SETBP1: variants seen among roughly 807,000 people sequenced by gnomAD.
SETBP1 encodes SET-binding protein.
SETBP1 carries 9 observed loss-of-function variants against 101.0 expected under a neutral mutation model. The observed-to-expected ratio is 0.09, with a 90% CI of 0.05 to 0.16. The LOEUF is 0.16. SETBP1 is among the 10% of genes least tolerant of loss of function. The pLI is 1.00. For missense variants in SETBP1, 1,858 were observed against 2,033.8 expected, an observed-to-expected ratio of 0.91 and a Z score of 1.66; for synonymous variants, 818 against 788.5, an observed-to-expected ratio of 1.04 and a Z score of -0.63.
chr18:44,930,629 A>T (rs550214681), intron 3 of SETBP1, among the ~76,000 whole-genome samples: 1 of 152,282 alleles, frequency 6.6e-6, no homozygotes, highest in South Asian at 2.1e-4. Context: ...TTATTGGTCT[A>T]TTCAGGGATT....
At chr18:45,005,643 CTT>C (rs11301319) in intron 4 of SETBP1, among the ~76,000 whole-genome samples, 136 of 116,212 alleles carry the variant, frequency 1.2e-3, no homozygotes, top group African/African-American at 3.0e-3. Flanking sequence ...TAAAATCTTC[CTT>C]TTTTTTTTTT....
At chr18:44,822,138 A>G (rs1380659265) in intron 2 of SETBP1, among the ~76,000 whole-genome samples, 1 of 152,238 alleles carries the variant, frequency 6.6e-6, no homozygotes, top group African/African-American at 2.4e-5. Flanking sequence ...TGCAGAATGG[A>G]ATAATCCAGT....
intron 3 of SETBP1, among the ~76,000 whole-genome samples, chr18:44,889,930 C>T (rs2069730066): frequency 6.6e-6 from 1 of 152,038 alleles, no homozygotes; most frequent in Admixed American, 6.6e-5. Context: ...TAAATTCAGT[C>T]AGCATTTTTG....
At chr18:44,864,769 T>C (rs575172955) in intron 2 of SETBP1, among the ~76,000 whole-genome samples, 1 of 152,254 alleles carries the variant, frequency 6.6e-6, no homozygotes, top group Admixed American at 6.5e-5. Context: ...ATCCTTTTCA[T>C]TAACTCCAGC....
intron 4 of SETBP1, among the ~76,000 whole-genome samples, chr18:45,020,434 C>T (rs2073036300): frequency 6.6e-6 from 1 of 152,100 alleles, no homozygotes; most frequent in Non-Finnish European, 1.5e-5. Context: ...TGCCCAAAAC[C>T]CATTACACTT....
chr18:44,947,731 C>T (rs529544649), intron 3 of SETBP1, among the ~76,000 whole-genome samples: 5 of 152,208 alleles, frequency 3.3e-5, no homozygotes, highest in Admixed American at 3.3e-4. Flanking sequence ...GTCTTGAACG[C>T]CCGACCTCAG....
chr18:44,803,101 T>C (rs114917890), intron 2 of SETBP1, among the ~76,000 whole-genome samples: 323 of 152,090 alleles, frequency 2.1e-3, no homozygotes, highest in African/African-American at 7.3e-3. Context: ...CCATATAAGG[T>C]AAGGGCCAAT....
chr18:44,939,286 C>A (rs866432083), intron 3 of SETBP1, among the ~76,000 whole-genome samples: 6 of 151,476 alleles, frequency 4.0e-5, no homozygotes, highest in Admixed American at 2.6e-4. Flanking sequence ...ACTGTTCTGA[C>A]ACCTATCATA....
At chr18:45,062,422 G>C (rs185205777) in intron 5 of SETBP1, among the ~76,000 whole-genome samples, 25 of 152,286 alleles carry the variant, frequency 1.6e-4, no homozygotes, top group African/African-American at 6.0e-4. Context: ...CAGAACACTG[G>C]GGGAAAAGCA....
chr18:44,988,642 T>C (rs2072291073), intron 4 of SETBP1: 1 of 152,212 alleles, frequency 6.6e-6, no homozygotes, highest in African/African-American at 2.4e-5. Context: ...ACTGTTTGGT[T>C]TATTTGGTTG....
intron 2 of SETBP1, among the ~76,000 whole-genome samples, chr18:44,853,035 C>T (rs1220732056): frequency 6.6e-6 from 1 of 152,144 alleles, no homozygotes; most frequent in Non-Finnish European, 1.5e-5. Flanking sequence ...ACAAATTTGA[C>T]CTTGGGGCAT....
intron 5 of SETBP1, among the ~76,000 whole-genome samples, chr18:45,058,033 G>T (rs1009983830): frequency 3.3e-5 from 5 of 152,316 alleles, no homozygotes; most frequent in African/African-American, 1.2e-4. Context: ...TCTAGATCTG[G>T]ACCAAAACCA....
intron 3 of SETBP1, among the ~76,000 whole-genome samples, chr18:44,910,158 G>A (rs1432898914): frequency 6.6e-6 from 1 of 152,154 alleles, no homozygotes; most frequent in Non-Finnish European, 1.5e-5. Context: ...CTCTGAGATT[G>A]TTGTTAACTG....
intron 2 of SETBP1, among the ~76,000 whole-genome samples, chr18:44,707,208 A>T (rs2069239672): frequency 6.6e-6 from 1 of 152,188 alleles, no homozygotes. Flanking sequence ...TATAAAAGTA[A>T]AGGATTTCTG....
At chr18:44,958,824 G>A (rs2071549086) in intron 4 of SETBP1, among the ~76,000 whole-genome samples, 1 of 152,156 alleles carries the variant, frequency 6.6e-6, no homozygotes, top group Non-Finnish European at 1.5e-5. Context: ...GACTGGAAAT[G>A]ATCTTTGTGG....
At chr18:44,710,067 C>T (rs927226500) in intron 2 of SETBP1, among the ~76,000 whole-genome samples, 2 of 152,016 alleles carry the variant, frequency 1.3e-5, no homozygotes, top group Non-Finnish European at 2.9e-5. Flanking sequence ...ATTTTACATC[C>T]TCAAAAAGTC....
At chr18:45,056,775 C>T (rs996995301) in intron 5 of SETBP1, among the ~76,000 whole-genome samples, 3 of 152,190 alleles carry the variant, frequency 2.0e-5, no homozygotes, top group Non-Finnish European at 2.9e-5. Flanking sequence ...CATAAACATG[C>T]TCACACTTAA....
At chr18:44,801,500 A>G (rs1231374061) in intron 2 of SETBP1, among the ~76,000 whole-genome samples, 2 of 152,134 alleles carry the variant, frequency 1.3e-5, no homozygotes, top group African/African-American at 2.4e-5. Context: ...GAAGTGTGAC[A>G]TGAGTACTGT....
chr18:45,036,134 C>A (rs1249416435), intron 4 of SETBP1, among the ~76,000 whole-genome samples: 1 of 152,034 alleles, frequency 6.6e-6, no homozygotes, highest in African/African-American at 2.4e-5. Context: ...GAGATCGAGA[C>A]CATCCTGGCC....
Sources: gnomAD v4.1 joint callset for allele counts (sites outside exome capture counted in the v4.1 genomes callset) on GRCh38, gnomAD v4.1.1 for gene constraint, MANE v1.5 for transcripts, NCBI Gene and HGNC (gene_info 2026-07-23, HGNC 2026-07-21) for gene names.